The following DENND1A variants were observed in gnomAD, a reference collection of about 807,000 sequenced individuals.
DENND1A encodes the protein DENN domain-containing protein 1A.
Under a neutral mutation model 113.7 loss-of-function variants are expected in DENND1A, and 51 were observed. The observed-to-expected ratio is 0.45, with a 90% CI of 0.36 to 0.57. The LOEUF (loss-of-function observed/expected upper bound fraction) is 0.57. DENND1A is among the 20% of genes least tolerant of loss of function. DENND1A has a pLI of 0.00. For synonymous variants in DENND1A, 565 were observed against 570.8 expected (o/e 0.99, Z 0.14); for missense variants, 1,258 against 1,395.9 (o/e 0.90, Z 1.57).
chr9:123,627,739 CAAAAA>C (rs764341977), intron 10 of DENND1A, among the ~76,000 whole-genome samples: 3 of 57,798 alleles, frequency 5.2e-5, no homozygotes, highest in Admixed American at 2.0e-4. Flanking sequence ...AACTCTGTCT[CAAAAA>C]AAAAAAAAAA....
chr9:123,784,823 T>G (rs148556296), intron 3 of DENND1A, among the ~76,000 whole-genome samples: 1 of 152,302 alleles, frequency 6.6e-6, no homozygotes, highest in African/African-American at 2.4e-5. Flanking sequence ...TCCTTCTACA[T>G]AACTGTAACA....
At chr9:123,416,401 G>A (rs962784018) in intron 19 of DENND1A, among the ~76,000 whole-genome samples, 8 of 152,230 alleles carry the variant, frequency 5.3e-5, no homozygotes, top group African/African-American at 1.7e-4. Flanking sequence ...CCTCTTGACC[G>A]CTGACCGCTT....
At chr9:123,792,793 G>C (rs7861905) in intron 2 of DENND1A, among the ~76,000 whole-genome samples, 163 bp from the exon 3 acceptor site, 22,594 of 152,112 alleles carry the variant, frequency 0.15, 2,873 homozygotes, top group African/African-American at 0.34. Context: ...ACTCGGCAAG[G>C]CACTCCCATT....
chr9:123,477,634 C>T (rs1588722440), intron 13 of DENND1A, among the ~76,000 whole-genome samples: 1 of 151,814 alleles, frequency 6.6e-6, no homozygotes, highest in East Asian at 1.9e-4. Flanking sequence ...AGAGCCAATG[C>T]ATGCTGGGCT....
At chr9:123,528,384 A>T (rs1487188319) in intron 13 of DENND1A, among the ~76,000 whole-genome samples, 1 of 152,180 alleles carries the variant, frequency 6.6e-6, no homozygotes, top group Non-Finnish European at 1.5e-5. Context: ...CTTGGCAGAA[A>T]CTGAGATAAA....
At chr9:123,792,483 T>C (rs1467005010) in intron 3 of DENND1A, 104 bp downstream of exon 3, 2 of 1,227,906 alleles carry the variant, frequency 1.6e-6, no homozygotes, top group African/African-American at 1.5e-5. Flanking sequence ...TTTCTTCCCT[T>C]CTAAAAATTC....
At chr9:123,735,990 G>T (rs1482182775) in intron 5 of DENND1A, among the ~76,000 whole-genome samples, 1 of 152,162 alleles carries the variant, frequency 6.6e-6, no homozygotes, top group Non-Finnish European at 1.5e-5. Flanking sequence ...GGGTGACAGA[G>T]TAAGGCCCTG....
At chr9:123,453,909 C>T (rs1352087333) in intron 16 of DENND1A, among the ~76,000 whole-genome samples, 6 of 152,194 alleles carry the variant, frequency 3.9e-5, no homozygotes, top group Non-Finnish European at 7.3e-5. Flanking sequence ...ATCAATCAAT[C>T]AACAAGTCCT....
chr9:123,738,242 T>C (rs2068716787), intron 5 of DENND1A, among the ~76,000 whole-genome samples: 1 of 152,190 alleles, frequency 6.6e-6, no homozygotes, highest in East Asian at 1.9e-4. Flanking sequence ...CTCTAAACAA[T>C]TGTTTGTGGA....
At chr9:123,773,948 C>T (rs1000794473) in intron 3 of DENND1A, among the ~76,000 whole-genome samples, 14 of 152,056 alleles carry the variant, frequency 9.2e-5, no homozygotes, top group Non-Finnish European at 1.8e-4. Context: ...CACAATTAGC[C>T]TCTTTGTGGC....
chr9:123,876,874 C>T (rs1055007346), intron 2 of DENND1A, among the ~76,000 whole-genome samples: 1 of 152,096 alleles, frequency 6.6e-6, no homozygotes, highest in African/African-American at 2.4e-5. Context: ...TACTACTCAG[C>T]CATAAAAAAG....
intron 13 of DENND1A, among the ~76,000 whole-genome samples, chr9:123,499,027 T>TA (rs2052215553): frequency 6.6e-6 from 1 of 151,948 alleles, no homozygotes; most frequent in South Asian, 2.1e-4. Context: ...CCCGCCTTTT[T>TA]AAAAAAATCT....
At chr9:123,815,708 G>A (rs1045315670) in intron 2 of DENND1A, among the ~76,000 whole-genome samples, 3 of 151,826 alleles carry the variant, frequency 2.0e-5, no homozygotes, top group Admixed American at 6.6e-5. Flanking sequence ...TTAAAATCAC[G>A]TTTTCTAAGA....
intron 1 of DENND1A, among the ~76,000 whole-genome samples, chr9:123,900,486 G>T (rs1362350408): frequency 6.6e-6 from 1 of 152,170 alleles, no homozygotes; most frequent in Admixed American, 6.5e-5. Context: ...TAAAGGGGAT[G>T]CTCGCTTAAG....
At chr9:123,807,105 A>C (rs1346295584) in intron 2 of DENND1A, among the ~76,000 whole-genome samples, 2 of 152,358 alleles carry the variant, frequency 1.3e-5, no homozygotes, top group East Asian at 3.9e-4. Flanking sequence ...AAGATTTATC[A>C]TACTGTAATA....
chr9:123,681,965 C>A (rs1053966843), intron 5 of DENND1A, among the ~76,000 whole-genome samples: 4 of 151,268 alleles, frequency 2.6e-5, no homozygotes, highest in Non-Finnish European at 5.9e-5. Flanking sequence ...CAGGACATAT[C>A]AACAGGACAC....
intron 1 of DENND1A, among the ~76,000 whole-genome samples, chr9:123,921,096 CA>C (rs529043491): frequency 1.3e-5 from 2 of 151,260 alleles, no homozygotes; most frequent in Non-Finnish European, 3.0e-5. Context: ...AAAACAAAAC[CA>C]AAAAAAACTG....
intron 12 of DENND1A, among the ~76,000 whole-genome samples, chr9:123,560,182 G>C (rs1188795104): frequency 6.6e-6 from 1 of 152,142 alleles, no homozygotes; most frequent in Non-Finnish European, 1.5e-5. Flanking sequence ...TGGAGACAAT[G>C]GAAATTTTGA....
At chr9:123,673,952 G>A (rs1018779921) in intron 6 of DENND1A, among the ~76,000 whole-genome samples, 1 of 151,820 alleles carries the variant, frequency 6.6e-6, no homozygotes, top group African/African-American at 2.4e-5. Context: ...CTGACATCCA[G>A]GGCTGGGCCT....
Sources: gnomAD v4.1 joint callset for allele counts (sites outside exome capture counted in the v4.1 genomes callset) on GRCh38, gnomAD v4.1.1 for gene constraint, MANE v1.5 for transcripts, NCBI Gene and HGNC (gene_info 2026-07-23, HGNC 2026-07-21) for gene names.